GALNS: variants seen among roughly 807,000 people sequenced by gnomAD.
The protein encoded by GALNS is N-acetylgalactosamine-6-sulfatase.
GALNS carries 65 observed loss-of-function variants against 65.9 expected under a neutral mutation model. The ratio of observed to expected loss-of-function variants is 0.99; its 90% CI spans 0.81 to 1.21. The LOEUF is 1.21. GALNS is among the 50% of genes most tolerant of loss of function. The pLI is 0.00. For synonymous variants in GALNS, 346 were observed against 288.9 expected, an observed-to-expected ratio of 1.20 and a Z score of -2.00; for missense variants, 776 against 700.7, an observed-to-expected ratio of 1.11 and a Z score of -1.21.
chr16:88,856,785 G>C lies in GALNS; in HGVS notation c.93C>G (p.Pro31=). ...GMGASGAPQP[P]NILLLLMDDM... is the part of the protein sequence containing the mutation. The stretch of plus-strand genomic sequence containing the variant: ...CGTCCATGAGCAGGAGCAGGATGTT[G>C]GGGGGCTGCGGGGCGCCCGAGGCCC... Residue 31 remains proline, a synonymous_variant, in exon 1 of 14, where the codon CCC becomes CCG. Coordinates refer to ENST00000268695, the MANE Select transcript of GALNS (RefSeq NM_000512.5). The C allele has an allele frequency of 1.3e-6, 2 of 1,539,100 alleles. No individual in the cohort carries two copies. The highest frequency in any genetic ancestry group is 1.7e-6 in the Non-Finnish European group (2 of 1,152,838).
intron 3 of GALNS, 118 bp from the exon 4 acceptor site, chr16:88,841,212 G>T: frequency 2.5e-6 from 2 of 804,454 alleles, no homozygotes; most frequent in Non-Finnish European, 4.3e-6. Context: ...GGCCCCTCGG[G>T]GTCAAAGGCT....
Position 88,817,935 on chromosome 16 carries a change from G to A in GALNS, c.1482+72C>T, listed in dbSNP as rs926017878. 9 of 1,280,296 alleles carry A rather than the reference G, an allele frequency of 7.0e-6. No homozygotes were observed. In the Admixed American group the frequency reaches 1.2e-4, roughly 17 times the overall value. 79.3% of individuals were successfully genotyped at this position (1,280,296 alleles called of 1,614,324 possible). ...CTGCCTCTGCCCTGTGCTGGCCACG[G>A]TTCATCCTGGGCCCCGGGTGGGTGG... On this transcript the variant is annotated intron_variant, in intron 13 of 13. Transcript: ENST00000268695.
intron 3 of GALNS, 148 bp from the exon 4 acceptor site, chr16:88,841,242 C>T: frequency 1.4e-6 from 1 of 709,628 alleles, no homozygotes; most frequent in Non-Finnish European, 2.5e-6. Context: ...GGCTGCGCGT[C>T]CACAGGGCAT....
At chr16:88,854,076 T>G (rs771498632) in intron 1 of GALNS, among the ~76,000 whole-genome samples, 8 of 152,306 alleles carry the variant, frequency 5.3e-5, no homozygotes, top group Admixed American at 1.3e-4. Context: ...CACAGAGGAC[T>G]GGATAGGGGG....
chr16:88,818,562 C>T (rs181897577), intron 12 of GALNS, among the ~76,000 whole-genome samples: 15 of 152,332 alleles, frequency 9.8e-5, no homozygotes, highest in Admixed American at 2.6e-4. Flanking sequence ...TGGAGGGGAA[C>T]GGCATCTGCA....
At chr16:88,837,547 T>C (rs1795229642) in intron 5 of GALNS, 75 bp downstream of exon 5, 2 of 1,482,422 alleles carry the variant, frequency 1.3e-6, no homozygotes, top group African/African-American at 2.8e-5. Context: ...AGCCCACCAG[T>C]GCTAGAGGCG....
rs1363382746 is a variant in GALNS, at chr16:88,835,724, C to T, written c.758+1G>A. 4 of 1,613,978 alleles carry T rather than the reference C, an allele frequency of 2.5e-6. No homozygotes were observed. The highest frequency in any genetic ancestry group is 3.4e-6 in the Non-Finnish European group (4 of 1,180,024). ...CTATGCTCCATGGAGCCAGGACTCA[C>T]CGCCCTCGCTGACTGGTGCCCAAGA... On this transcript the variant is annotated splice_donor_variant, in intron 7 of 13. Transcript: ENST00000268695. LOFTEE classifies it high-confidence loss of function.
chr16:88,831,145 C>T (rs1911460409), intron 9 of GALNS, among the ~76,000 whole-genome samples: 3 of 152,226 alleles, frequency 2.0e-5, no homozygotes, highest in African/African-American at 7.2e-5. Context: ...AGCCTTCCTG[C>T]CTGTCTGACC....
chr16:88,856,575 G>A, intron 1 of GALNS, 183 bp downstream of exon 1: 2 of 425,210 alleles, frequency 4.7e-6, no homozygotes, highest in Non-Finnish European at 8.7e-6. Context: ...CTCCCCGCAC[G>A]GGGATACCCC....
chr16:88,820,948 G>T (rs143041288), intron 12 of GALNS, among the ~76,000 whole-genome samples: 6 of 152,136 alleles, frequency 3.9e-5, no homozygotes, highest in African/African-American at 1.4e-4. Flanking sequence ...CAGCTGGGGG[G>T]GCTGTTGGCT....
At position 88,815,135 on chromosome 16, in the gene GALNS, G is replaced by A. The variant is rs116759849; in HGVS notation, c.1483-610C>T. The A allele has an allele frequency of 2.6e-3, 2,565 of 985,452 alleles. 49 individuals are homozygous for A. In the African/African-American group the frequency reaches 0.042, roughly 16 times the overall value. The allele number at this position is 985,452 out of a possible 1,614,324, so 61.0% of individuals were successfully genotyped here. A position where few individuals can be genotyped will look rare whatever the true frequency, so the allele number is the denominator to read the frequency against. On this transcript the variant is annotated intron_variant, in intron 13 of 13. Transcript: ENST00000268695. Reference sequence around the variant, plus strand: ...GGTCCAGGTGGGCAGCTACACAGACGCTCCCCAGGAATCATGGGAACTTGG... The same window carrying A: ...GGTCCAGGTGGGCAGCTACACAGACACTCCCCAGGAATCATGGGAACTTGG...
chr16:88,855,086 T>A, intron 1 of GALNS: 1 of 434,250 alleles, frequency 2.3e-6, no homozygotes, highest in East Asian at 6.2e-5. Context: ...TGCAATTCCC[T>A]ATTTACCGGG....
At chr16:88,826,283 CAG>C (rs1395125873) in intron 10 of GALNS, among the ~76,000 whole-genome samples, 3 of 109,830 alleles carry the variant, frequency 2.7e-5, no homozygotes, top group African/African-American at 7.3e-5. Context: ...AGGCAGGGAA[CAG>C]GGGTGGGGCG....
intron 11 of GALNS, among the ~76,000 whole-genome samples, chr16:88,823,807 C>G: frequency 6.7e-6 from 1 of 148,360 alleles, no homozygotes; most frequent in African/African-American, 2.5e-5. Context: ...CAGGACGGCC[C>G]TCGCAGGCGG....
chr16:88,842,712 A>C lies in GALNS; in HGVS notation c.238T>G (p.Ser80Ala), dbSNP rs368625732. 4 of 1,612,832 alleles carry C rather than the reference A, an allele frequency of 2.5e-6. No homozygotes were observed. The highest frequency in any genetic ancestry group is 1.3e-5 in the African/African-American group (1 of 75,056). ...GAGGGCCCCGCTGACTTACATGGCG[A>C]GCACAGAGGGTTGGCAGAATAGAAG... ...PNFYSANPLC[S>A]PSRAALLTGR... Residue 80 changes from serine to alanine, a missense_variant, in exon 2 of 14, where the codon TCG (serine) becomes GCG (alanine). Transcript: ENST00000268695.
chr16:88,822,383 A>C (rs1162141264), intron 12 of GALNS, among the ~76,000 whole-genome samples: 1 of 152,140 alleles, frequency 6.6e-6, no homozygotes, highest in African/African-American at 2.4e-5. Flanking sequence ...AAGGGGCAGA[A>C]GTGGGGAGAC....
At chr16:88,850,443 G>A (rs12709105) in intron 1 of GALNS, among the ~76,000 whole-genome samples, 70,372 of 152,020 alleles carry the variant, frequency 0.46, 18,484 homozygotes, top group African/African-American at 0.72. Context: ...TGGATGCAGC[G>A]GAAAATGCTG....
At chr16:88,819,236 TC>T (rs1289712252) in intron 12 of GALNS, among the ~76,000 whole-genome samples, 2 of 121,778 alleles carry the variant, frequency 1.6e-5, no homozygotes, top group Admixed American at 1.7e-4. Context: ...ATCCACCCAC[TC>T]CCTGCTTAGG....
intron 4 of GALNS, chr16:88,840,776 C>T (rs1016559338): frequency 2.4e-5 from 14 of 594,030 alleles, no homozygotes; most frequent in East Asian, 1.7e-4. Context: ...AGGATACTCG[C>T]GGCCGTGGGA....
Sources: allele counts gnomAD v4.1 joint callset (sites outside exome capture counted in the v4.1 genomes callset), GRCh38; gene constraint gnomAD v4.1.1; transcripts MANE v1.5; gene names NCBI Gene and HGNC (gene_info 2026-07-23, HGNC 2026-07-21).